The following PECAM1 variants were observed in gnomAD, a reference collection of about 807,000 sequenced individuals.
The protein encoded by PECAM1 is platelet endothelial cell adhesion molecule.
In PECAM1, 8 loss-of-function variants were observed where a neutral mutation model predicts 13.8. The ratio of observed to expected loss-of-function variants is 0.58; its 90% CI spans 0.34 to 1.05. PECAM1 has a LOEUF of 1.05. Ranked by LOEUF, PECAM1 falls within the 50% of genes least tolerant of loss-of-function variation. The probability of loss-of-function intolerance (pLI) is 0.03; values close to 1 mark genes in which losing one functional copy is unlikely to be tolerated. For synonymous variants in PECAM1, 136 were observed against 52.6 expected, an observed-to-expected ratio of 2.58 and a Z score of -6.86; for missense variants, 304 against 141.2, an observed-to-expected ratio of 2.15 and a Z score of -5.84.
intron 12 of PECAM1, among the ~76,000 whole-genome samples, chr17:64,348,808 C>T (rs2035644685): frequency 2.6e-5 from 4 of 152,096 alleles, no homozygotes; most frequent in South Asian, 2.1e-4. Flanking sequence ...TAATTCCATT[C>T]GGGATGAGGA....
intron 2 of PECAM1, among the ~76,000 whole-genome samples, 189 bp from the exon 3 acceptor site, chr17:64,378,306 T>G (rs2036408306): frequency 6.6e-6 from 1 of 152,098 alleles, no homozygotes; most frequent in African/African-American, 2.4e-5. Context: ...CAGTTGGTAC[T>G]AAGCTGCAAC....
intron 13 of PECAM1, among the ~76,000 whole-genome samples, chr17:64,344,529 C>G (rs1245032597): frequency 1.3e-5 from 2 of 152,076 alleles, no homozygotes; most frequent in Non-Finnish European, 2.9e-5. Context: ...CTCCTCCACC[C>G]CAAGTGACCA....
intron 14 of PECAM1, among the ~76,000 whole-genome samples, chr17:64,333,370 T>C (rs1228420859): frequency 6.6e-6 from 1 of 152,074 alleles, no homozygotes; most frequent in Non-Finnish European, 1.5e-5. Flanking sequence ...AAACCAGCTC[T>C]CCTGTTGGAG....
At chr17:64,376,150 A>G (rs2036353034) in intron 3 of PECAM1, among the ~76,000 whole-genome samples, 1 of 151,874 alleles carries the variant, frequency 6.6e-6, no homozygotes, top group Non-Finnish European at 1.5e-5. Flanking sequence ...TTAAAAATAC[A>G]AAAAATTAGC....
intron 2 of PECAM1, among the ~76,000 whole-genome samples, chr17:64,383,787 C>T (rs1013853925): frequency 1.3e-5 from 2 of 152,154 alleles, no homozygotes; most frequent in East Asian, 1.9e-4. Context: ...GCATGGGGCC[C>T]GTCCACCATC....
intron 14 of PECAM1, among the ~76,000 whole-genome samples, chr17:64,331,179 G>A (rs1376893712): frequency 2.0e-5 from 3 of 149,296 alleles, no homozygotes; most frequent in African/African-American, 7.4e-5. Flanking sequence ...TCTCAACTGT[G>A]TGGGAGCCCA....
intron 15 of PECAM1, among the ~76,000 whole-genome samples, chr17:64,324,560 G>C (rs2034893072): frequency 1.3e-5 from 2 of 152,208 alleles, no homozygotes; most frequent in African/African-American, 4.8e-5. Flanking sequence ...CTTTGTAAGA[G>C]ATCTGACTTC....
chr17:64,351,234 T>A (rs1381764439), intron 11 of PECAM1, among the ~76,000 whole-genome samples: 1 of 152,200 alleles, frequency 6.6e-6, no homozygotes, highest in Non-Finnish European at 1.5e-5. Context: ...GACACATTAC[T>A]TTTATTACTA....
intron 15 of PECAM1, among the ~76,000 whole-genome samples, chr17:64,324,967 T>C (rs2034905405): frequency 6.6e-6 from 1 of 152,252 alleles, no homozygotes; most frequent in Non-Finnish European, 1.5e-5. Context: ...ACTTCTCTAA[T>C]AAACTTGCTT....
At chr17:64,380,242 C>A (rs1037119455) in intron 2 of PECAM1, among the ~76,000 whole-genome samples, 7,880 of 151,978 alleles carry the variant, frequency 0.052, 683 homozygotes, top group African/African-American at 0.18. Context: ...GCAGGAGAAT[C>A]GCTTGAGCCC....
At chr17:64,351,402 G>T (rs2035719862) in intron 11 of PECAM1, among the ~76,000 whole-genome samples, 1 of 152,112 alleles carries the variant, frequency 6.6e-6, no homozygotes, top group Admixed American at 6.6e-5. Flanking sequence ...AAAAGAACAT[G>T]AGCATTCTAT....
At chr17:64,388,700 C>T (rs1271373233) in intron 2 of PECAM1, among the ~76,000 whole-genome samples, 1 of 152,136 alleles carries the variant, frequency 6.6e-6, no homozygotes, top group Non-Finnish European at 1.5e-5. Context: ...CAAAGTCCTG[C>T]TCCGTTGCCC....
intron 6 of PECAM1, among the ~76,000 whole-genome samples, 167 bp from the exon 7 acceptor site, chr17:64,360,582 C>CTCTGTGTG (rs2035949384): frequency 7.2e-6 from 1 of 139,394 alleles, no homozygotes; most frequent in African/African-American, 2.6e-5. Context: ...GACTGACAGG[C>CTCTGTGTG]TGTGTGTGTG....
At chr17:64,359,661 C>T (rs1178282443) in intron 7 of PECAM1, among the ~76,000 whole-genome samples, 6 of 151,960 alleles carry the variant, frequency 3.9e-5, no homozygotes, top group African/African-American at 1.5e-4. Flanking sequence ...TCATCAATAG[C>T]CCCCAAATAT....
chr17:64,387,563 G>A (rs1183561118), intron 2 of PECAM1, among the ~76,000 whole-genome samples: 1 of 152,140 alleles, frequency 6.6e-6, no homozygotes, highest in African/African-American at 2.4e-5. Flanking sequence ...ATGCACGTAG[G>A]CGTGGGGTCC....
At chr17:64,339,621 TTTA>T (rs1292772595) in intron 14 of PECAM1, among the ~76,000 whole-genome samples, 1 of 152,032 alleles carries the variant, frequency 6.6e-6, no homozygotes, top group Non-Finnish European at 1.5e-5. Context: ...AGAACGGCTG[TTTA>T]TTGTCAGATT....
intron 13 of PECAM1, among the ~76,000 whole-genome samples, chr17:64,344,939 C>T (rs1257962814): frequency 6.6e-6 from 1 of 152,206 alleles, no homozygotes; most frequent in Non-Finnish European, 1.5e-5. Context: ...GGCATCCCTG[C>T]AGCTGCACAG....
intron 2 of PECAM1, among the ~76,000 whole-genome samples, chr17:64,389,315 G>A (rs1050902904): frequency 0.014 from 2,130 of 152,236 alleles, 47 homozygotes; most frequent in African/African-American, 0.047. Flanking sequence ...TCACAGCCCC[G>A]GGACACTACT....
intron 14 of PECAM1, among the ~76,000 whole-genome samples, chr17:64,332,086 C>T (rs781948902): frequency 6.6e-6 from 1 of 152,198 alleles, no homozygotes; most frequent in Non-Finnish European, 1.5e-5. Flanking sequence ...GTCCACCTCA[C>T]CCTAACACCC....
Sources: allele counts gnomAD v4.1 joint callset (sites outside exome capture counted in the v4.1 genomes callset), GRCh38; gene constraint gnomAD v4.1.1; transcripts MANE v1.5; gene names NCBI Gene and HGNC (gene_info 2026-07-23, HGNC 2026-07-21).